NRXN1: variants seen among roughly 807,000 people sequenced by gnomAD.
NRXN1 encodes the protein neurexin-1.
NRXN1 carries 39 observed loss-of-function variants against 150.9 expected under a neutral mutation model. That is an observed-to-expected ratio of 0.26 (90% CI 0.20 to 0.34). The LOEUF (loss-of-function observed/expected upper bound fraction) is 0.34. Among genes scored for constraint, NRXN1 ranks in the 10% least tolerant of loss-of-function variants. The pLI is 1.00. For missense variants in NRXN1, 1,815 were observed against 1,949.9 expected (o/e 0.93, Z 1.30); for synonymous variants, 924 against 757.0 (o/e 1.22, Z -3.62).
intron 2 of NRXN1, among the ~76,000 whole-genome samples, chr2:50,948,178 G>A (rs1156875800): frequency 6.6e-6 from 1 of 151,854 alleles, no homozygotes; most frequent in Admixed American, 6.6e-5. Flanking sequence ...GATTTCTTGA[G>A]GTAATTTTTG....
At chr2:50,588,891 C>T (rs1024397887) in intron 8 of NRXN1, 3 of 152,170 alleles carry the variant, frequency 2.0e-5, no homozygotes, top group African/African-American at 4.8e-5. Context: ...GTATCCACGT[C>T]TATCCCTACT....
At chr2:49,927,031 T>C (rs955540517) in intron 22 of NRXN1, among the ~76,000 whole-genome samples, 2 of 152,092 alleles carry the variant, frequency 1.3e-5, no homozygotes, top group Non-Finnish European at 2.9e-5. Context: ...GTAGGGGCCC[T>C]CCCCACCCCC....
intron 5 of NRXN1, among the ~76,000 whole-genome samples, chr2:50,796,872 T>A (rs1706909097): frequency 6.6e-6 from 1 of 152,124 alleles, no homozygotes; most frequent in Non-Finnish European, 1.5e-5. Context: ...GTTCTCAGTT[T>A]TGGAAACTAG....
At chr2:50,771,337 A>T (rs1006849196) in intron 5 of NRXN1, among the ~76,000 whole-genome samples, 8 of 152,268 alleles carry the variant, frequency 5.3e-5, no homozygotes, top group African/African-American at 1.7e-4. Context: ...ACAATAAAAA[A>T]AAATAAATTA....
At chr2:50,096,451 G>T (rs1352672734) in intron 18 of NRXN1, among the ~76,000 whole-genome samples, 2 of 152,140 alleles carry the variant, frequency 1.3e-5, no homozygotes, top group East Asian at 1.9e-4. Context: ...CAATTTAAAA[G>T]AATTCATTTC....
At chr2:50,760,092 C>T (rs1033143595) in intron 5 of NRXN1, among the ~76,000 whole-genome samples, 1 of 151,822 alleles carries the variant, frequency 6.6e-6, no homozygotes, top group East Asian at 1.9e-4. Flanking sequence ...TTTAAAATCT[C>T]GCTGCACACA....
At chr2:50,218,450 A>T (rs2063551725) in intron 18 of NRXN1, among the ~76,000 whole-genome samples, 1 of 150,994 alleles carries the variant, frequency 6.6e-6, no homozygotes, top group South Asian at 2.1e-4. Flanking sequence ...CTCACATTCT[A>T]CTGGAGATTT....
At chr2:50,696,490 C>G (rs758907255) in intron 5 of NRXN1, among the ~76,000 whole-genome samples, 2 of 152,052 alleles carry the variant, frequency 1.3e-5, no homozygotes, top group African/African-American at 4.8e-5. Context: ...TAAAGAAGGT[C>G]GTGATAAGGT....
chr2:50,535,325 T>C (rs1558896988), intron 10 of NRXN1, among the ~76,000 whole-genome samples: 1 of 152,264 alleles, frequency 6.6e-6, no homozygotes, highest in Non-Finnish European at 1.5e-5. Context: ...GTCTTCTATA[T>C]CTCCTTCTCC....
chr2:50,841,367 AAAGT>A (rs1408686641), intron 5 of NRXN1, among the ~76,000 whole-genome samples: 3 of 152,208 alleles, frequency 2.0e-5, no homozygotes, highest in Non-Finnish European at 4.4e-5. Context: ...TGCAGAAGTC[AAAGT>A]AATTGCCACA....
At chr2:51,000,698 T>C (rs758265806) in intron 2 of NRXN1, among the ~76,000 whole-genome samples, 1 of 151,962 alleles carries the variant, frequency 6.6e-6, no homozygotes, top group Non-Finnish European at 1.5e-5. Flanking sequence ...TTTTTTTAAT[T>C]TCTCAATTTC....
chr2:51,013,267 G>A (rs1668168894), intron 2 of NRXN1, among the ~76,000 whole-genome samples: 1 of 152,006 alleles, frequency 6.6e-6, no homozygotes, highest in African/African-American at 2.4e-5. Context: ...AGCTGGCTCA[G>A]GGCAAACATA....
At chr2:50,465,359 G>A (rs892327386) in intron 17 of NRXN1, 83 bp downstream of exon 17, 1 of 1,352,330 alleles carries the variant, frequency 7.4e-7, no homozygotes, top group African/African-American at 1.5e-5. Context: ...GTTAATATAA[G>A]GACTTTCAGT....
chr2:50,817,863 G>A (rs113687630), intron 5 of NRXN1, among the ~76,000 whole-genome samples: 2,378 of 151,746 alleles, frequency 0.016, 28 homozygotes, highest in Non-Finnish European at 0.021. Flanking sequence ...ACATAATAAA[G>A]GCCATATGTG....
At chr2:50,258,353 A>G (rs2067922455) in intron 17 of NRXN1, among the ~76,000 whole-genome samples, 1 of 152,066 alleles carries the variant, frequency 6.6e-6, no homozygotes, top group Non-Finnish European at 1.5e-5. Flanking sequence ...TGTTCACAGC[A>G]TCTTCATCAG....
At chr2:50,916,726 G>T (rs1685263742) in intron 5 of NRXN1, 1 of 151,558 alleles carries the variant, frequency 6.6e-6, no homozygotes, top group Non-Finnish European at 1.5e-5. Context: ...TTTAGTAAAA[G>T]TCTTGTTTAG....
At chr2:50,663,855 T>G (rs543897406) in intron 5 of NRXN1, among the ~76,000 whole-genome samples, 1 of 139,746 alleles carries the variant, frequency 7.2e-6, no homozygotes, top group East Asian at 1.9e-4. Context: ...TTTAAGAATA[T>G]TTTTATTACT....
At chr2:50,035,900 T>C (rs1162807065) in intron 21 of NRXN1, among the ~76,000 whole-genome samples, 1 of 152,102 alleles carries the variant, frequency 6.6e-6, no homozygotes, top group African/African-American at 2.4e-5. Flanking sequence ...CACCGATGAA[T>C]ACTTCTAAGG....
intron 17 of NRXN1, among the ~76,000 whole-genome samples, chr2:50,322,172 A>G (rs1413249393): frequency 1.3e-5 from 2 of 152,204 alleles, no homozygotes; most frequent in Non-Finnish European, 2.9e-5. Context: ...CTAGAAGGTT[A>G]ACACAAGGAC....
Sources: gnomAD v4.1 joint callset for allele counts (sites outside exome capture counted in the v4.1 genomes callset) on GRCh38, gnomAD v4.1.1 for gene constraint, MANE v1.5 for transcripts, NCBI Gene and HGNC (gene_info 2026-07-23, HGNC 2026-07-21) for gene names.